Variants in SYNE1 observed in about 807,000 individuals in gnomAD.
The protein encoded by SYNE1 is spectrin repeat containing nuclear envelope protein 1.
In SYNE1, 616 loss-of-function variants were observed where a neutral mutation model predicts 1,111.0. The ratio of observed to expected loss-of-function variants is 0.55; its 90% confidence interval spans 0.52 to 0.59. The LOEUF (loss-of-function observed/expected upper bound fraction) is 0.59. Ranked by LOEUF, SYNE1 falls within the 20% of genes least tolerant of loss-of-function variation. The probability of loss-of-function intolerance (pLI) is 0.00; values close to 1 mark genes in which losing one functional copy is unlikely to be tolerated. For missense variants in SYNE1, 10,006 were observed against 10,417.0 expected (o/e 0.96, Z 1.72); for synonymous variants, 3,855 against 3,825.8 (o/e 1.01, Z -0.28).
intron 4 of SYNE1, among the ~76,000 whole-genome samples, chr6:152,537,143 C>G (rs2099247299): frequency 6.6e-6 from 1 of 152,008 alleles, no homozygotes. Context: ...ATTATAGGTT[C>G]AATGTCTAAC....
At chr6:152,427,122 C>T (rs6906304) in intron 38 of SYNE1, among the ~76,000 whole-genome samples, 3,359 of 152,264 alleles carry the variant, frequency 0.022, 50 homozygotes, top group Non-Finnish European at 0.035. Flanking sequence ...CAACGATTTT[C>T]TTTCTTTAAG....
At chr6:152,627,487 T>C (rs1223363515) in intron 3 of SYNE1, among the ~76,000 whole-genome samples, 2 of 90,486 alleles carry the variant, frequency 2.2e-5, no homozygotes, top group Non-Finnish European at 4.7e-5. Context: ...ACCATATCTC[T>C]ACTAAAAAAA....
At chr6:152,183,190 G>A (rs1321277862) in intron 128 of SYNE1, among the ~76,000 whole-genome samples, 1 of 152,194 alleles carries the variant, frequency 6.6e-6, no homozygotes, top group Non-Finnish European at 1.5e-5. Flanking sequence ...ACTCTCTGGT[G>A]AATACGGCCT....
intron 3 of SYNE1, among the ~76,000 whole-genome samples, chr6:152,595,425 T>C (rs2099578196): frequency 6.6e-6 from 1 of 152,212 alleles, no homozygotes; most frequent in Non-Finnish European, 1.5e-5. Flanking sequence ...CTGGAATGCC[T>C]TCCCCGCTTT....
intron 3 of SYNE1, chr6:152,546,417 G>A (rs77029576): frequency 6.6e-6 from 1 of 151,920 alleles, no homozygotes; most frequent in African/African-American, 2.4e-5. Flanking sequence ...CAGACCTTGA[G>A]TCTGGGCTGG....
chr6:152,290,825 T>C (rs1028032520), intron 95 of SYNE1, among the ~76,000 whole-genome samples: 1 of 152,050 alleles, frequency 6.6e-6, no homozygotes, highest in Admixed American at 6.6e-5. Flanking sequence ...ATAACAGTGC[T>C]TGACATTTTT....
chr6:152,320,993 A>C (rs1192831791), intron 84 of SYNE1, among the ~76,000 whole-genome samples: 1 of 149,052 alleles, frequency 6.7e-6, no homozygotes, highest in African/African-American at 2.6e-5. Context: ...TTGTTTCTTT[A>C]AGTCTTTTTT....
chr6:152,387,778 T>C (rs924482348), intron 53 of SYNE1, among the ~76,000 whole-genome samples: 1 of 152,226 alleles, frequency 6.6e-6, no homozygotes, highest in Non-Finnish European at 1.5e-5. Flanking sequence ...TTTATCTTAT[T>C]AAAATCAGAT....
At chr6:152,560,722 T>C (rs1456351363) in intron 3 of SYNE1, among the ~76,000 whole-genome samples, 1 of 152,168 alleles carries the variant, frequency 6.6e-6, no homozygotes, top group Non-Finnish European at 1.5e-5. Context: ...ATGACCATGG[T>C]CGATGGGATT....
At chr6:152,292,578 C>G (rs1259075799) in intron 95 of SYNE1, among the ~76,000 whole-genome samples, 4 of 152,188 alleles carry the variant, frequency 2.6e-5, no homozygotes, top group Non-Finnish European at 5.9e-5. Context: ...GCAACTTTAT[C>G]TGACTACACA....
intron 87 of SYNE1, 117 bp from the exon 88 acceptor site, chr6:152,310,990 A>G (rs2095529312): frequency 1.9e-6 from 2 of 1,067,796 alleles, no homozygotes; most frequent in African/African-American, 1.6e-5. Context: ...ATTGTGTTTA[A>G]CCTTCACCCC....
intron 98 of SYNE1, among the ~76,000 whole-genome samples, chr6:152,276,802 G>A (rs1357454356): frequency 6.6e-6 from 1 of 152,004 alleles, no homozygotes; most frequent in Non-Finnish European, 1.5e-5. Flanking sequence ...TAGGGTTGGG[G>A]CAGCTAATGG....
In SYNE1 at chr6:152,373,171, G is replaced by A; in HGVS notation, c.9373C>T (p.Leu3125=). Residue 3125 remains leucine (L), a synonymous_variant, in exon 59 of 146, where the codon CTG becomes TTG. Transcript: ENST00000367255. ...GTACTCAGAAGTTCCCCTTTAGACA[G>A]CATCATGTTTAGCTTGTGCTGTCCA... is the stretch of plus-strand genomic sequence containing the variant. ...ENGQHKLNMM[L]SKGELLSTLL... 1.2e-6 allele frequency: 2 copies of A among 1,613,856 alleles called. No homozygotes were observed. The highest frequency in any genetic ancestry group is 1.6e-4 in the Middle Eastern group (1 of 6,062).
chr6:152,539,562 T>A (rs540780138), intron 4 of SYNE1, among the ~76,000 whole-genome samples: 65 of 152,324 alleles, frequency 4.3e-4, no homozygotes, highest in Admixed American at 2.2e-3. Context: ...ACTATCATAA[T>A]ATCTTTAGCT....
intron 11 of SYNE1, among the ~76,000 whole-genome samples, chr6:152,494,668 G>A (rs909069312): frequency 3.3e-5 from 5 of 152,072 alleles, no homozygotes; most frequent in African/African-American, 1.2e-4. Context: ...TCCATATCCT[G>A]CACCACCATG....
chr6:152,127,310 A>G (rs575644913), intron 145 of SYNE1: 1 of 152,258 alleles, frequency 6.6e-6, no homozygotes, highest in South Asian at 2.1e-4. Context: ...CCTTGTCTAT[A>G]AATTGGGAAT....
At chr6:152,407,250 T>A in intron 44 of SYNE1, 54 bp from the exon 45 acceptor site, 4 of 1,554,294 alleles carry the variant, frequency 2.6e-6, no homozygotes, top group Non-Finnish European at 2.7e-6. Flanking sequence ...AAGATGATCA[T>A]CCCCCAACCA....
At chr6:152,408,605 T>C (rs959033953) in intron 44 of SYNE1, among the ~76,000 whole-genome samples, 1 of 152,190 alleles carries the variant, frequency 6.6e-6, no homozygotes, top group African/African-American at 2.4e-5. Context: ...TTCTAAACTT[T>C]ATGTGAGCAC....
chr6:152,359,528 A>G (rs919198063), intron 64 of SYNE1, 70 bp from the exon 65 acceptor site: 12 of 1,593,446 alleles, frequency 7.5e-6, no homozygotes, highest in Non-Finnish European at 1.0e-5. Flanking sequence ...GCTAAAATCA[A>G]GATATTTTAA....
Sources: allele counts gnomAD v4.1 joint callset (sites outside exome capture counted in the v4.1 genomes callset), GRCh38; gene constraint gnomAD v4.1.1; transcripts MANE v1.5; gene names NCBI Gene and HGNC (gene_info 2026-07-23, HGNC 2026-07-21).